CELF5: variants seen among roughly 807,000 people sequenced by gnomAD.
The protein encoded by CELF5 is CUGBP Elav-like family member 5, also known as CUG-BP and ETR-3 like factor 5.
CELF5 carries 6 observed loss-of-function variants against 54.9 expected under a neutral mutation model. The ratio of observed to expected loss-of-function variants is 0.11; its 90% CI spans 0.06 to 0.22. The LOEUF (loss-of-function observed/expected upper bound fraction) is 0.22, where lower values mean the gene tolerates loss of function less well. Among genes scored for constraint, CELF5 ranks in the 10% least tolerant of loss-of-function variants. The probability of loss-of-function intolerance (pLI) is 1.00; values close to 1 mark genes in which losing one functional copy is unlikely to be tolerated. For synonymous variants in CELF5, 271 were observed against 290.9 expected, an observed-to-expected ratio of 0.93 and a Z score of 0.70; for missense variants, 401 against 678.6, an observed-to-expected ratio of 0.59 and a Z score of 4.54.
At chr19:3,250,882 TGGAAGC>T in intron 1 of CELF5, 97 bp from the exon 2 acceptor site, 1 of 614,992 alleles carries the variant, frequency 1.6e-6, no homozygotes. Flanking sequence ...CATCTGTGGA[TGGAAGC>T]TTGGGTTGCT....
At chr19:3,259,496 C>T (rs2079778289) in intron 2 of CELF5, among the ~76,000 whole-genome samples, 1 of 151,166 alleles carries the variant, frequency 6.6e-6, no homozygotes, top group South Asian at 2.1e-4. Flanking sequence ...GAATCCTCTC[C>T]CTGCTCACAT....
chr19:3,231,407 A>G (rs1051910380), intron 1 of CELF5, among the ~76,000 whole-genome samples: 2 of 151,850 alleles, frequency 1.3e-5, no homozygotes, highest in Non-Finnish European at 2.9e-5. Flanking sequence ...AAAAGTGGGT[A>G]GATCAGTGGA....
At chr19:3,277,985 C>T (rs2080083800) in intron 4 of CELF5, 46 bp from the exon 5 acceptor site, 2 of 1,526,034 alleles carry the variant, frequency 1.3e-6, no homozygotes, top group African/African-American at 2.7e-5. Context: ...CTCAGCCAGT[C>T]CTGTGACCCC....
rs1183017387 is a variant in CELF5, at chr19:3,224,722, C to CA, written c.-18_-17insA. The CA allele has an allele frequency of 9.0e-7, 1 of 1,106,678 alleles. No individual in the cohort carries two copies. The highest frequency in any genetic ancestry group is 1.7e-5 in the African/African-American group (1 of 59,646). The allele number at this position is 1,106,678 out of a possible 1,614,324, so 68.6% of individuals were successfully genotyped here. On this transcript the variant is annotated 5_prime_UTR_variant, in exon 1 of 13. Transcript: ENST00000292672. Reference sequence around the variant, plus strand: ...CGCCGCCCGCCGCCGCCGCCGCCGGCTCGGTCCCGCGCCCGCCATGGCCCG... The same window carrying CA: ...CGCCGCCCGCCGCCGCCGCCGCCGGCATCGGTCCCGCGCCCGCCATGGCCCG...
rs895951710 is a variant in CELF5 at position 3,268,166 on chromosome 19, T to C, written c.343-5706T>C. Among the ~76,000 whole-genome samples the C allele has an allele frequency of 6.6e-6, 1 of 151,986 alleles. No individual in the cohort carries two copies. The highest frequency in any genetic ancestry group is 6.6e-5 in the Admixed American group (1 of 15,256). ...GGTGCCCGCCACCACGCCCAGCTAC[T>C]TTTTGTATTTTTAGTAGAGATGCGG... is the stretch of plus-strand genomic sequence containing the variant. On this transcript the variant is annotated intron_variant, in intron 2 of 12. Transcript: ENST00000292672. This position sits in a 1 kb window ranked among gnomAD's most constrained non-coding sequence, Gnocchi z 4.4.
At chr19:3,251,681 G>C (rs1054699237) in intron 2 of CELF5, among the ~76,000 whole-genome samples, 26 of 85,184 alleles carry the variant, frequency 3.1e-4, no homozygotes, top group African/African-American at 1.1e-3. Flanking sequence ...TTTTGTTGTT[G>C]TTGTTGTTGT....
At chr19:3,248,032 T>C (rs574714127) in intron 1 of CELF5, among the ~76,000 whole-genome samples, 16 of 152,310 alleles carry the variant, frequency 1.1e-4, no homozygotes, top group African/African-American at 3.6e-4. Context: ...CCCAAAGTGC[T>C]GGGATTACAG....
chr19:3,254,500 C>G (rs561693136), intron 2 of CELF5, among the ~76,000 whole-genome samples: 2 of 150,942 alleles, frequency 1.3e-5, no homozygotes, highest in East Asian at 4.0e-4. Flanking sequence ...CATCCATCCA[C>G]TGATTTACCC....
At position 3,224,900 on chromosome 19, in the gene CELF5, G is replaced by T; in HGVS notation, c.161G>T (p.Arg54Leu). The T allele has an allele frequency of 6.2e-7, 1 of 1,608,740 alleles. No homozygotes were observed. Among genetic ancestry groups the T allele is most frequent in the Non-Finnish European group, 8.5e-7 (1 of 1,178,090 alleles). Residue 54 changes from arginine (R) to leucine (L), a missense_variant, in exon 1 of 13, where the codon CGG becomes CTG. Arg to Leu is a moderately radical substitution (Grantham distance 102). This residue lies in a region of CELF5 where 66 missense variants were observed against 132.3 expected (regional missense o/e 0.50). Transcript: ENST00000292672. ...AAACTCTTCGTGGGCCAGATCCCGCGGCACCTGGACGAGAAGGACCTCAAG... is the reference window on the plus strand; with the variant it reads ...AAACTCTTCGTGGGCCAGATCCCGCTGCACCTGGACGAGAAGGACCTCAAG... ...AIKLFVGQIP[R>L]HLDEKDLKPL...
intron 2 of CELF5, among the ~76,000 whole-genome samples, chr19:3,272,240 G>A (rs759416342): frequency 6.6e-5 from 10 of 151,998 alleles, no homozygotes; most frequent in East Asian, 3.9e-4. Flanking sequence ...GTATTGGTGC[G>A]TGCCTGTAGT....
chr19:3,262,816 G>A (rs547886183), intron 2 of CELF5, among the ~76,000 whole-genome samples: 1 of 151,726 alleles, frequency 6.6e-6, no homozygotes, highest in Non-Finnish European at 1.5e-5. Flanking sequence ...GCACATGCCT[G>A]TCATCCCAGC....
At chr19:3,293,524 C>A in intron 12 of CELF5, 38 bp downstream of exon 12, 1 of 1,538,912 alleles carries the variant, frequency 6.5e-7, no homozygotes, top group Non-Finnish European at 8.8e-7. Flanking sequence ...CCCAAGCCCC[C>A]CGTCTTGTCT....
rs2080025669 is a variant in CELF5 at position 3,275,073 on chromosome 19, C to T, written c.395-783C>T. On this transcript the variant is annotated intron_variant, in intron 3 of 12. Transcript: ENST00000292672. The surrounding 1 kb of genome is among the most constrained non-coding windows in gnomAD (Gnocchi z 6.7). ...TCTCTGCTGGTTTCTCTCTCTCCCT[C>T]CCACCCCCATGAGTGACAGCTGCCG... Among the ~76,000 whole-genome samples the T allele has an allele frequency of 1.3e-5, 2 of 152,278 alleles. No individual in the cohort carries two copies. The highest frequency in any genetic ancestry group is 4.1e-4 in the South Asian group (2 of 4,824).
At chr19:3,280,772 T>C (rs1398632456) in intron 5 of CELF5, among the ~76,000 whole-genome samples, 2 of 152,050 alleles carry the variant, frequency 1.3e-5, no homozygotes, top group African/African-American at 4.8e-5. Context: ...GAGTTTCAGG[T>C]GTGGGGTGAC....
At chr19:3,260,750 G>A (rs1396004463) in intron 2 of CELF5, among the ~76,000 whole-genome samples, 1 of 151,530 alleles carries the variant, frequency 6.6e-6, no homozygotes, top group Non-Finnish European at 1.5e-5. Context: ...AGCCTCCCTA[G>A]TAGCTGGGAC....
chr19:3,286,094 C>G (rs1313809287), intron 10 of CELF5, 69 bp downstream of exon 10: 6 of 1,337,122 alleles, frequency 4.5e-6, no homozygotes, highest in South Asian at 3.0e-5. Flanking sequence ...CTGCAGGCTC[C>G]GTGTCTGGCC....
At position 3,228,366 on chromosome 19, in the gene CELF5, C is replaced by T. The variant is rs559898827; in HGVS notation, c.259+3368C>T. ...CAAGAACTGGAGGCTGGGATTGGGG[C>T]TCCCGCTGGCCCCCCTGCAGTTCCT... is the stretch of plus-strand genomic sequence containing the variant. On this transcript the variant is annotated intron_variant, in intron 1 of 12. Coordinates refer to ENST00000292672, the MANE Select transcript of CELF5 (RefSeq NM_021938.4). This position sits in a 1 kb window ranked among gnomAD's most constrained non-coding sequence, Gnocchi z 6.0. Among the ~76,000 whole-genome samples, 129 of 152,266 alleles carry T rather than the reference C, an allele frequency of 8.5e-4. No homozygotes were observed. The South Asian group carries it at 9.3e-3, about 11-fold the overall frequency.
chr19:3,242,720 C>T (rs913704765), intron 1 of CELF5, among the ~76,000 whole-genome samples: 1 of 152,014 alleles, frequency 6.6e-6, no homozygotes, highest in Non-Finnish European at 1.5e-5. Context: ...GCAGGAGAAT[C>T]GCTTGAACTT....
chr19:3,225,107 T>G (rs1334137465), intron 1 of CELF5, 109 bp downstream of exon 1: 3 of 573,678 alleles, frequency 5.2e-6, no homozygotes, highest in Non-Finnish European at 8.3e-6. Flanking sequence ...CTCCCTCCTC[T>G]GCCTGCCTCT....
Sources: allele counts gnomAD v4.1 joint callset (sites outside exome capture counted in the v4.1 genomes callset), GRCh38; gene constraint gnomAD v4.1.1; regional missense constraint gnomAD v4.1.1; non-coding constraint Gnocchi (gnomAD v3.1); transcripts MANE v1.5; gene names NCBI Gene and HGNC (gene_info 2026-07-23, HGNC 2026-07-21).